The following PTPRG variants were observed in gnomAD, a reference collection of about 807,000 sequenced individuals.
PTPRG encodes the protein receptor-type tyrosine-protein phosphatase gamma.
A neutral mutation model predicts 165.3 loss-of-function variants in PTPRG; 102 were observed. That is an observed-to-expected ratio of 0.62 (90% CI 0.53 to 0.73). The LOEUF is 0.73. Among genes scored for constraint, PTPRG ranks in the 30% least tolerant of loss-of-function variants. The pLI, the probability that PTPRG is intolerant of heterozygous loss-of-function variation, is 0.00. For synonymous variants in PTPRG, 675 were observed against 669.5 expected, an observed-to-expected ratio of 1.01 and a Z score of -0.13; for missense variants, 1,866 against 1,861.4, an observed-to-expected ratio of 1.00 and a Z score of -0.05.
intron 11 of PTPRG, among the ~76,000 whole-genome samples, chr3:62,202,219 T>G (rs1700110354): frequency 6.6e-6 from 1 of 152,188 alleles, no homozygotes; most frequent in South Asian, 2.1e-4. Flanking sequence ...ACTTCTTGTT[T>G]TCCTAAGATA....
In PTPRG at chr3:62,297,530, T is replaced by C. The variant is rs1158557270; in HGVS notation, c.*4223T>C. The C allele has an allele frequency of 6.6e-6, 1 of 151,944 alleles. No homozygotes were observed. Among genetic ancestry groups the C allele is most frequent in the Non-Finnish European group, 1.5e-5 (1 of 67,932 alleles). 9.4% of individuals were successfully genotyped at this position (151,944 alleles called of 1,614,324 possible). On this transcript the variant is annotated 3_prime_UTR_variant, in exon 30 of 30. Coordinates refer to ENST00000474889, the MANE Select transcript of PTPRG (RefSeq NM_002841.4). ...TTCCCTTTTTCTTCTGTTTAAACTA[T>C]ATCAAATCATTCTATTATAGTGTTA...
In PTPRG at chr3:61,728,893, G is replaced by A. The variant is rs931791537; in HGVS notation, c.86-19985G>A. Among the ~76,000 whole-genome samples, 287 of 141,102 alleles carry A rather than the reference G, an allele frequency of 2.0e-3. 1 individual carries two copies. Among genetic ancestry groups the A allele is most frequent in the African/African-American group, 6.9e-3 (263 of 38,018 alleles). The allele number at this position is 141,102 out of a possible 152,430, so 92.6% of individuals were successfully genotyped here. On this transcript the variant is annotated intron_variant, in intron 1 of 29. Transcript: ENST00000474889. ...CTGTACCAAAAAAAAAAAAAAAAAAGAAAGAAAGAAAGAAAAAAATTAGCT... is the reference window on the plus strand; with the variant it reads ...CTGTACCAAAAAAAAAAAAAAAAAAAAAAGAAAGAAAGAAAAAAATTAGCT...
At chr3:62,073,342 A>G (rs1198041715) in intron 4 of PTPRG, among the ~76,000 whole-genome samples, 4 of 152,226 alleles carry the variant, frequency 2.6e-5, no homozygotes, top group Non-Finnish European at 5.9e-5. Flanking sequence ...ATACTTTTTA[A>G]TTATGAAAGG....
intron 4 of PTPRG, among the ~76,000 whole-genome samples, chr3:62,016,457 C>T (rs145110789): frequency 0.011 from 1,616 of 152,234 alleles, 29 homozygotes; most frequent in African/African-American, 0.036. Context: ...TGAGCCACCG[C>T]GCCCGGCCTG....
chr3:61,730,008 G>A (rs1388432727), intron 1 of PTPRG, among the ~76,000 whole-genome samples: 2 of 152,188 alleles, frequency 1.3e-5, no homozygotes, highest in African/African-American at 4.8e-5. Context: ...CATTTCGTTT[G>A]CTCCATGAAA....
intron 1 of PTPRG, among the ~76,000 whole-genome samples, chr3:61,651,377 T>TA (rs1213641665): frequency 6.6e-6 from 1 of 151,696 alleles, no homozygotes; most frequent in Non-Finnish European, 1.5e-5. Context: ...TTTTTTTTTT[T>TA]AAGTTTCACA....
rs149710161 is a variant in PTPRG, at chr3:61,631,378, TGA to T, written c.85+69017_85+69018del. ...GTGAATATAGTATGATAGTATATTT[TGA>T]GAGAGAGAGACCAAAACTATATTCA... On this transcript the variant is annotated intron_variant, in intron 1 of 29. Transcript: ENST00000474889. 3.9e-4 allele frequency among the ~76,000 whole-genome samples: 60 copies of T among 152,180 alleles called. 1 individual carries two copies. The highest frequency in any genetic ancestry group is 1.8e-4 in the Non-Finnish European group (12 of 68,034).
chr3:62,096,595 C>G (rs1036164147), intron 5 of PTPRG, among the ~76,000 whole-genome samples: 1 of 152,120 alleles, frequency 6.6e-6, no homozygotes, highest in African/African-American at 2.4e-5. Context: ...TGGCTGCTTT[C>G]CATTGTAAAT....
At chr3:61,711,131 A>G (rs571938496) in intron 1 of PTPRG, among the ~76,000 whole-genome samples, 1 of 152,246 alleles carries the variant, frequency 6.6e-6, no homozygotes, top group South Asian at 2.1e-4. Context: ...ATAGTATTCC[A>G]TGGTGTATGT....
intron 8 of PTPRG, among the ~76,000 whole-genome samples, chr3:62,183,977 A>C (rs1192462342): frequency 6.6e-6 from 1 of 152,168 alleles, no homozygotes; most frequent in African/African-American, 2.4e-5. Context: ...TACATACATG[A>C]CTGCTCCATG....
At chr3:61,877,941 T>C (rs775245204) in intron 2 of PTPRG, among the ~76,000 whole-genome samples, 4 of 152,202 alleles carry the variant, frequency 2.6e-5, no homozygotes, top group Non-Finnish European at 5.9e-5. Context: ...AGTTTAATCT[T>C]AACATAATTA....
At chr3:61,657,804 A>G (rs1262652968) in intron 1 of PTPRG, among the ~76,000 whole-genome samples, 1 of 152,216 alleles carries the variant, frequency 6.6e-6, no homozygotes, top group Admixed American at 6.5e-5. Flanking sequence ...AGCTGTTCCC[A>G]TGGCTGCTGA....
chr3:61,736,198 G>A (rs556197822), intron 1 of PTPRG, among the ~76,000 whole-genome samples: 1 of 149,634 alleles, frequency 6.7e-6, no homozygotes, highest in African/African-American at 2.5e-5. Flanking sequence ...GTGAGCCACC[G>A]CACCCGGCCA....
chr3:61,941,654 T>C (rs1453036081), intron 2 of PTPRG, among the ~76,000 whole-genome samples: 2 of 152,032 alleles, frequency 1.3e-5, no homozygotes, highest in African/African-American at 4.8e-5. Context: ...TCGTGATTTA[T>C]AGATGCCATA....
At chr3:61,604,259 G>A (rs186127069) in intron 1 of PTPRG, among the ~76,000 whole-genome samples, 1 of 152,336 alleles carries the variant, frequency 6.6e-6, no homozygotes, top group East Asian at 1.9e-4. Context: ...GGGAGGCGGA[G>A]GTTGCAGTGA....
chr3:62,076,030 C>T (rs569426600), intron 4 of PTPRG, among the ~76,000 whole-genome samples: 4 of 152,164 alleles, frequency 2.6e-5, no homozygotes, highest in African/African-American at 9.6e-5. Context: ...AATCTCAACA[C>T]GTTGGGAGGC....
intron 2 of PTPRG, among the ~76,000 whole-genome samples, chr3:61,931,225 G>C (rs987614769): frequency 6.6e-6 from 1 of 152,204 alleles, no homozygotes; most frequent in African/African-American, 2.4e-5. Flanking sequence ...CTTGTTCTGT[G>C]CTACCTGTGC....
intron 8 of PTPRG, 29 bp downstream of exon 8, chr3:62,168,192 AG>A (rs1369005834): frequency 6.4e-7 from 1 of 1,555,074 alleles, no homozygotes; most frequent in East Asian, 2.3e-5. Context: ...CCTTGCCCAG[AG>A]GAAGATTCCT....
At chr3:61,957,952 T>G (rs2040070193) in intron 2 of PTPRG, among the ~76,000 whole-genome samples, 1 of 152,172 alleles carries the variant, frequency 6.6e-6, no homozygotes, top group South Asian at 2.1e-4. Flanking sequence ...AAATTTTCCT[T>G]TTGTTACCTG....
Sources: gnomAD v4.1 joint callset for allele counts (sites outside exome capture counted in the v4.1 genomes callset) on GRCh38, gnomAD v4.1.1 for gene constraint, MANE v1.5 for transcripts, NCBI Gene and HGNC (gene_info 2026-07-23, HGNC 2026-07-21) for gene names.